The following GLIS3 variants were observed in gnomAD, a reference collection of about 807,000 sequenced individuals.
The protein encoded by GLIS3 is zinc finger protein GLIS3.
A neutral mutation model predicts 78.6 loss-of-function variants in GLIS3; 53 were observed. That is an observed-to-expected ratio of 0.67 (90% CI 0.54 to 0.85). The LOEUF (loss-of-function observed/expected upper bound fraction) is 0.85. Ranked by LOEUF, GLIS3 falls within the 40% of genes least tolerant of loss-of-function variation. The pLI is 0.00. For missense variants in GLIS3, 1,703 were observed against 1,231.1 expected, an observed-to-expected ratio of 1.38 and a Z score of -5.74; for synonymous variants, 684 against 509.9, an observed-to-expected ratio of 1.34 and a Z score of -4.60.
At chr9:4,092,028 G>C (rs900891259) in intron 4 of GLIS3, among the ~76,000 whole-genome samples, 3 of 152,066 alleles carry the variant, frequency 2.0e-5, no homozygotes, top group African/African-American at 7.2e-5. Flanking sequence ...AGAAACGTGA[G>C]ACCCTAGGAC....
the GLIS3 span, among the ~76,000 whole-genome samples, chr9:4,408,772 T>G: frequency 6.7e-6 from 1 of 149,922 alleles, no homozygotes; most frequent in Non-Finnish European, 1.5e-5. Context: ...TAGGACCTAG[T>G]ATTTGATGTC....
At chr9:4,015,345 G>C (rs1822349123) in intron 4 of GLIS3, among the ~76,000 whole-genome samples, 1 of 152,146 alleles carries the variant, frequency 6.6e-6, no homozygotes, top group African/African-American at 2.4e-5. Context: ...GCATACCAAA[G>C]TAAGACAATG....
chr9:4,075,353 G>C (rs937113248), intron 4 of GLIS3, among the ~76,000 whole-genome samples: 7 of 149,786 alleles, frequency 4.7e-5, no homozygotes, highest in Admixed American at 4.1e-4. Context: ...CGGATGACAA[G>C]GTCAGGAGAT....
chr9:3,907,797 G>A (rs150547172), intron 6 of GLIS3, among the ~76,000 whole-genome samples: 420 of 152,204 alleles, frequency 2.8e-3, no homozygotes, highest in Non-Finnish European at 5.2e-3. Flanking sequence ...ATCCTCTCCT[G>A]AGTTCTCTTG....
intron 2 of GLIS3, among the ~76,000 whole-genome samples, chr9:4,204,614 G>T (rs1228377549): frequency 6.6e-6 from 1 of 152,046 alleles, no homozygotes; most frequent in Non-Finnish European, 1.5e-5. Context: ...TACCAAGAGA[G>T]TCAAGTATCA....
At chr9:4,204,559 C>T (rs1819682151) in intron 2 of GLIS3, among the ~76,000 whole-genome samples, 1 of 152,100 alleles carries the variant, frequency 6.6e-6, no homozygotes, top group Non-Finnish European at 1.5e-5. Flanking sequence ...AAGAAAAATG[C>T]AGAGAACCAG....
At chr9:3,868,369 AT>A (rs138007322) in intron 8 of GLIS3, among the ~76,000 whole-genome samples, 28,442 of 151,228 alleles carry the variant, frequency 0.19, 3,135 homozygotes, top group Non-Finnish European at 0.24. Context: ...AATGGAAGTA[AT>A]TTTTTTTTTG....
At chr9:4,168,286 G>T (rs994992489) in intron 2 of GLIS3, among the ~76,000 whole-genome samples, 4 of 151,856 alleles carry the variant, frequency 2.6e-5, no homozygotes, top group East Asian at 3.9e-4. Context: ...AAAATAAAGG[G>T]TTTTTTTCCT....
At chr9:4,017,708 G>C (rs77385427) in intron 4 of GLIS3, among the ~76,000 whole-genome samples, 2 of 152,182 alleles carry the variant, frequency 1.3e-5, no homozygotes, top group African/African-American at 4.8e-5. Context: ...CCTGGTATCA[G>C]AGTGTTGGTA....
upstream of GLIS3, among the ~76,000 whole-genome samples, chr9:4,351,181 T>C (rs1402545366): frequency 6.6e-6 from 1 of 152,110 alleles, no homozygotes; most frequent in Non-Finnish European, 1.5e-5. Flanking sequence ...AGGTGGAGGT[T>C]GCAGTGAGCC....
intron 6 of GLIS3, among the ~76,000 whole-genome samples, chr9:3,929,560 T>G (rs1280513922): frequency 6.6e-6 from 1 of 152,144 alleles, no homozygotes; most frequent in Non-Finnish European, 1.5e-5. Context: ...CTCATAAAAC[T>G]GGCAACCTTA....
intron 2 of GLIS3, among the ~76,000 whole-genome samples, chr9:4,167,548 T>C (rs1055040865): frequency 6.6e-6 from 1 of 152,038 alleles, no homozygotes; most frequent in Non-Finnish European, 1.5e-5. Context: ...CCTGACAGAG[T>C]GCTGGTACAC....
chr9:3,889,560 TATA>T (rs1231087945), intron 7 of GLIS3, among the ~76,000 whole-genome samples: 2 of 152,242 alleles, frequency 1.3e-5, no homozygotes, highest in African/African-American at 4.8e-5. Context: ...TAAACTGTCT[TATA>T]ATACATTCTC....
intron 4 of GLIS3, among the ~76,000 whole-genome samples, chr9:3,946,219 C>A (rs1197804179): frequency 6.6e-6 from 1 of 152,182 alleles, no homozygotes; most frequent in Non-Finnish European, 1.5e-5. Context: ...CCCTACTAGG[C>A]TGTGAGCTTT....
chr9:4,283,308 C>T lies in GLIS3; in HGVS notation c.388+2730G>A, dbSNP rs547351143. On this transcript the variant is annotated intron_variant, in intron 2 of 10. Transcript: ENST00000381971. Reference sequence around the variant, plus strand: ...TGAGATAGAGTCTTGCTTTCTTGCCCCGGCTGGAGTGCAATGGCGCAATCT... The same window carrying T: ...TGAGATAGAGTCTTGCTTTCTTGCCTCGGCTGGAGTGCAATGGCGCAATCT... Among the ~76,000 whole-genome samples, 13 of 151,446 alleles carry T rather than the reference C, an allele frequency of 8.6e-5. No homozygotes were observed. In the East Asian group the frequency reaches 2.5e-3, roughly 29 times the overall value.
chr9:4,103,677 A>G (rs941715482), intron 4 of GLIS3, among the ~76,000 whole-genome samples: 1 of 152,144 alleles, frequency 6.6e-6, no homozygotes, highest in African/African-American at 2.4e-5. Context: ...TGAGTTCTGT[A>G]GGAACTCAGA....
chr9:4,046,491 A>T (rs1342214392), intron 4 of GLIS3, among the ~76,000 whole-genome samples: 1 of 152,226 alleles, frequency 6.6e-6, no homozygotes, highest in African/African-American at 2.4e-5. Flanking sequence ...AAGCAGCAGC[A>T]CACAGAAATG....
At chr9:3,993,873 AT>A (rs1820526843) in intron 4 of GLIS3, among the ~76,000 whole-genome samples, 1 of 152,150 alleles carries the variant, frequency 6.6e-6, no homozygotes, top group African/African-American at 2.4e-5. Context: ...GCAGTGCTAC[AT>A]TTTAAAAGTA....
chr9:4,382,446 A>G, the GLIS3 span, among the ~76,000 whole-genome samples: 1 of 152,150 alleles, frequency 6.6e-6, no homozygotes, highest in Admixed American at 6.5e-5. Flanking sequence ...GCTTTTTCAC[A>G]CAAATCTACA....
Sources: gnomAD v4.1 joint callset for allele counts (sites outside exome capture counted in the v4.1 genomes callset) on GRCh38, gnomAD v4.1.1 for gene constraint, MANE v1.5 for transcripts, NCBI Gene and HGNC (gene_info 2026-07-23, HGNC 2026-07-21) for gene names.